The following CTPS1 variants were observed in gnomAD, a reference collection of about 807,000 sequenced individuals.
CTPS1 encodes the protein CTP synthase 1, also known as CTP synthetase 1.
A neutral mutation model predicts 80.5 loss-of-function variants in CTPS1; 25 were observed. The observed-to-expected ratio is 0.31, with a 90% CI of 0.23 to 0.43. The LOEUF is 0.43. Among genes scored for constraint, CTPS1 ranks in the 20% least tolerant of loss-of-function variants. CTPS1 has a pLI of 1.00. For missense variants in CTPS1, 442 were observed against 725.7 expected (o/e 0.61, Z 4.49); for synonymous variants, 267 against 252.5 (o/e 1.06, Z -0.54).
chr1:40,989,164 A>G (rs932678594), intron 5 of CTPS1, among the ~76,000 whole-genome samples: 2 of 152,182 alleles, frequency 1.3e-5, no homozygotes, highest in Admixed American at 1.3e-4. Flanking sequence ...CAGGAGTGGG[A>G]TGAGGGTGGG....
Position 40,991,802 on chromosome 1 carries a change from T to C in CTPS1, c.677T>C (p.Val226Ala). The C allele has an allele frequency of 6.2e-7, 1 of 1,614,080 alleles. No individual in the cohort carries two copies. The highest frequency in any genetic ancestry group is 2.2e-5 in the East Asian group (1 of 44,876). The change falls in exon 7 of 19, where the codon GTG becomes GCG. Residue 226 changes from valine (V) to alanine (A), a missense_variant. Physicochemically the swap from Val to Ala is moderately conservative, Grantham distance 64 (BLOSUM62 0). Transcript: ENST00000650070. ...CRCSNPLDTSVKEKISMFCHV... is the reference protein window; with the variant it reads ...CRCSNPLDTSAKEKISMFCHV... ...TGCTCAAATCCACTTGACACATCAG[T>C]GAAGGAGAAAATATCAATGTTCTGC...
At chr1:41,002,337 G>A (rs933280477) in intron 11 of CTPS1, 83 bp downstream of exon 11, 2 of 1,092,456 alleles carry the variant, frequency 1.8e-6, no homozygotes, top group Non-Finnish European at 2.8e-6. Context: ...TGAACAAAGT[G>A]GGGGGATTAC....
intron 17 of CTPS1, 84 bp from the exon 18 acceptor site, chr1:41,010,077 C>A: frequency 1.2e-6 from 1 of 835,678 alleles, no homozygotes; most frequent in Non-Finnish European, 2.0e-6. Context: ...GGCAAGTGTC[C>A]CTGTAGGAAC....
intron 8 of CTPS1, 112 bp from the exon 9 acceptor site, chr1:40,997,282 G>C (rs984615903): frequency 1.6e-6 from 2 of 1,284,222 alleles, no homozygotes; most frequent in African/African-American, 1.5e-5. Flanking sequence ...GATTATGGGC[G>C]TGAGCTCATC....
chr1:41,001,947 C>A (rs1642914380), intron 10 of CTPS1, among the ~76,000 whole-genome samples: 1 of 152,194 alleles, frequency 6.6e-6, no homozygotes, highest in Non-Finnish European at 1.5e-5. Flanking sequence ...TTTTCACTTG[C>A]AATAAGCATG....
rs759304872 is a variant in CTPS1, at chr1:41,002,160, T to A, written c.1095T>A (p.His365Gln). The change falls in exon 11 of 19, where the codon CAT becomes CAA. Residue 365 changes from histidine to glutamine, a missense_variant and splice_region_variant. His to Gln is a conservative substitution (Grantham distance 24, BLOSUM62 0). Around this residue, in one of 4 missense-constraint regions of CTPS1, gnomAD observed 321 missense variants for 467.2 expected, o/e 0.69. Transcript: ENST00000650070. ...CTTTGTGGTTTGTTCTTTTGTGCAGTGGAGTGCTGGTTCCAGGAGGATTTG... is the reference window on the plus strand; with the variant it reads ...CTTTGTGGTTTGTTCTTTTGTGCAGAGGAGTGCTGGTTCCAGGAGGATTTG... Reference protein sequence around the residue: ...HEAWQKLCSAHGVLVPGGFGV... With the variant: ...HEAWQKLCSAQGVLVPGGFGV... 6 of 1,614,018 alleles carry A rather than the reference T, an allele frequency of 3.7e-6. No individual in the cohort carries two copies. In the Admixed American group the frequency reaches 1.0e-4, roughly 27 times the overall value.
chr1:41,007,371 C>T lies in CTPS1; in HGVS notation c.1297-78C>T. Reference sequence around the variant, plus strand: ...TTAGAGCTTACTTACAAGCCTTTGCCACCCACTCAGCGAGGGAGGTTTCTC... The same window carrying T: ...TTAGAGCTTACTTACAAGCCTTTGCTACCCACTCAGCGAGGGAGGTTTCTC... On this transcript the variant is annotated intron_variant, in intron 13 of 18. Coordinates refer to ENST00000650070, the MANE Select transcript of CTPS1 (RefSeq NM_001905.4). The surrounding 1 kb of genome is among the most constrained non-coding windows in gnomAD (Gnocchi z 4.4). The T allele has an allele frequency of 8.2e-7, 1 of 1,225,348 alleles. No homozygotes were observed. The highest frequency in any genetic ancestry group is 1.2e-6 in the Non-Finnish European group (1 of 836,584). The allele number at this position is 1,225,348 out of a possible 1,614,324, so 75.9% of individuals were successfully genotyped here.
intron 1 of CTPS1, among the ~76,000 whole-genome samples, chr1:40,982,813 T>A (rs546573690): frequency 1.3e-5 from 2 of 152,376 alleles, no homozygotes; most frequent in African/African-American, 4.8e-5. Flanking sequence ...TGATATGTTG[T>A]AGTTTAGCCA....
rs1343082104 is a variant in CTPS1, at chr1:41,011,699, A to G, written c.*51A>G. ...GACCCTTCAAACTTGGGTAGAGTTT[A>G]CAGCTCTGACTTTACACTCGGCTTT... is the stretch of plus-strand genomic sequence containing the variant. On this transcript the variant is annotated 3_prime_UTR_variant, in exon 19 of 19. Coordinates refer to ENST00000650070, the MANE Select transcript of CTPS1 (RefSeq NM_001905.4). 6.6e-6 allele frequency: 1 copy of G among 152,202 alleles called. No homozygotes were observed. The highest frequency in any genetic ancestry group is 1.5e-5 in the Non-Finnish European group (1 of 68,040). The allele number at this position is 152,202 out of a possible 1,614,324, so 9.4% of individuals were successfully genotyped here.
rs758535908 is a variant in CTPS1 at position 41,011,553 on chromosome 1, C to A, written c.*10-105C>A. 15 of 152,282 alleles carry A rather than the reference C, an allele frequency of 9.9e-5. No individual in the cohort carries two copies. In the Middle Eastern group the frequency reaches 0.02, roughly 207 times the overall value. 9.4% of individuals were successfully genotyped at this position (152,282 alleles called of 1,614,324 possible). A position where few individuals can be genotyped will look rare whatever the true frequency, so the allele number is the denominator to read the frequency against. On this transcript the variant is annotated intron_variant, in intron 18 of 18. Coordinates refer to ENST00000650070, the MANE Select transcript of CTPS1 (RefSeq NM_001905.4). ...CCAGTAGGCTCCTTCTACTGCTCTG[C>A]CATGAAAAACAGGCTTAGTTTCCCA...
chr1:40,985,523 G>A (rs1354082403), intron 3 of CTPS1, among the ~76,000 whole-genome samples: 1 of 152,196 alleles, frequency 6.6e-6, no homozygotes, highest in East Asian at 1.9e-4. Flanking sequence ...GCTGTTTTGG[G>A]GTTTTGTACA....
intron 3 of CTPS1, among the ~76,000 whole-genome samples, chr1:40,986,979 T>C (rs964925583): frequency 1.1e-4 from 17 of 152,200 alleles, no homozygotes; most frequent in African/African-American, 2.7e-4. Flanking sequence ...TGGAAACATA[T>C]GGAACAGGGT....
intron 1 of CTPS1, chr1:40,981,896 G>A (rs1642314370): frequency 2.0e-6 from 2 of 989,440 alleles, no homozygotes; most frequent in Admixed American, 2.5e-5. Context: ...AATGCTTCGA[G>A]CACAACTCCT....
At chr1:41,004,679 G>A (rs1642988180) in intron 12 of CTPS1, among the ~76,000 whole-genome samples, 2 of 152,186 alleles carry the variant, frequency 1.3e-5, no homozygotes, top group Admixed American at 1.3e-4. Context: ...GTTCAATGAA[G>A]GTTAGAAAGG....
In CTPS1 at chr1:40,996,714, G is replaced by A. The variant is rs563084227; in HGVS notation, c.872+646G>A. ...TTTTCATTTCAACATTTTCCTTTCAGTCTTTGTCTGCTTACATATAGCTAT... is the reference window on the plus strand; with the variant it reads ...TTTTCATTTCAACATTTTCCTTTCAATCTTTGTCTGCTTACATATAGCTAT... On this transcript the variant is annotated intron_variant, in intron 8 of 18. Coordinates refer to ENST00000650070, the MANE Select transcript of CTPS1 (RefSeq NM_001905.4). Among the ~76,000 whole-genome samples, 40 of 152,194 alleles carry A rather than the reference G, an allele frequency of 2.6e-4. No individual in the cohort carries two copies. The South Asian group carries it at 8.3e-3, about 32-fold the overall frequency.
chr1:41,003,266 T>A, intron 12 of CTPS1, 90 bp downstream of exon 12: 1 of 1,438,302 alleles, frequency 7.0e-7, no homozygotes, highest in Non-Finnish European at 9.8e-7. Context: ...TCAGGAGCTT[T>A]GGAGAAGGGC....
intron 12 of CTPS1, among the ~76,000 whole-genome samples, chr1:41,005,165 C>T (rs370480991): frequency 1.3e-5 from 2 of 151,954 alleles, no homozygotes; most frequent in East Asian, 1.9e-4. Flanking sequence ...CTGTCACAGG[C>T]GGGGCGCAGT....
intron 17 of CTPS1, 103 bp downstream of exon 17, chr1:41,009,692 A>AG (rs1643122295): frequency 1.4e-6 from 2 of 1,417,424 alleles, no homozygotes; most frequent in Admixed American, 4.2e-5. Context: ...TAAGAAAAAA[A>AG]AGCCACAGGC....
chr1:41,005,582 G>A (rs1558166029), intron 12 of CTPS1, among the ~76,000 whole-genome samples: 1 of 152,234 alleles, frequency 6.6e-6, no homozygotes, highest in East Asian at 1.9e-4. Context: ...AAAAATTCAC[G>A]TGTGTGTGGG....
Sources: gnomAD v4.1 joint callset for allele counts (sites outside exome capture counted in the v4.1 genomes callset) on GRCh38, gnomAD v4.1.1 for gene constraint, gnomAD v4.1.1 regional missense constraint, Gnocchi (gnomAD v3.1) non-coding constraint, MANE v1.5 for transcripts, NCBI Gene and HGNC (gene_info 2026-07-23, HGNC 2026-07-21) for gene names.